Variants in TAFA2 observed in about 807,000 individuals in gnomAD.
TAFA2 encodes TAFA chemokine like family member 2.
In TAFA2, 7 loss-of-function variants were observed where a neutral mutation model predicts 18.8. The ratio of observed to expected loss-of-function variants is 0.37; its 90% confidence interval spans 0.21 to 0.70. TAFA2 has a LOEUF of 0.70. Among genes scored for constraint, TAFA2 ranks in the 30% least tolerant of loss-of-function variants. TAFA2 has a pLI of 0.53. For synonymous variants in TAFA2, 60 were observed against 54.2 expected (o/e 1.11, Z -0.47); for missense variants, 122 against 158.1 (o/e 0.77, Z 1.23).
At chr12:61,826,662 A>T (rs932854060) in intron 2 of TAFA2, among the ~76,000 whole-genome samples, 11 of 152,014 alleles carry the variant, frequency 7.2e-5, no homozygotes, top group Non-Finnish European at 1.6e-4. Context: ...CTCACCTTAA[A>T]TGCAAAGTGT....
At chr12:62,234,619 C>T in intron 1 of TAFA2, 1 of 824,990 alleles carries the variant, frequency 1.2e-6, no homozygotes, top group Non-Finnish European at 2.2e-6. Flanking sequence ...TAGGGCCTCT[C>T]ACCCATGTGC....
At chr12:61,947,205 G>A (rs1878300378) in intron 1 of TAFA2, among the ~76,000 whole-genome samples, 1 of 147,512 alleles carries the variant, frequency 6.8e-6, no homozygotes, top group Non-Finnish European at 1.5e-5. Flanking sequence ...ACTATCGCAA[G>A]GACAAAAAAC....
intron 1 of TAFA2, among the ~76,000 whole-genome samples, chr12:62,171,799 T>C (rs147413289): frequency 1.0e-3 from 159 of 152,302 alleles, no homozygotes; most frequent in African/African-American, 3.6e-3. Flanking sequence ...TAATAAATCA[T>C]CTAGAAAAAG....
chr12:62,064,714 T>C (rs768014532), intron 1 of TAFA2, among the ~76,000 whole-genome samples: 3 of 152,100 alleles, frequency 2.0e-5, no homozygotes, highest in Non-Finnish European at 4.4e-5. Context: ...TATGACTGAA[T>C]TGCATTCCCT....
chr12:61,792,777 A>AG (rs1270332188), intron 2 of TAFA2, among the ~76,000 whole-genome samples: 2 of 151,664 alleles, frequency 1.3e-5, no homozygotes, highest in Admixed American at 6.6e-5. Context: ...GAACTTTAAG[A>AG]GAAAAAAAAT....
chr12:62,187,864 A>G (rs1439895130), intron 1 of TAFA2, among the ~76,000 whole-genome samples: 3 of 152,214 alleles, frequency 2.0e-5, no homozygotes, highest in Non-Finnish European at 2.9e-5. Context: ...ATGGTAACTC[A>G]GTGTGAAATT....
At chr12:61,961,198 C>T (rs1254113593) in intron 1 of TAFA2, among the ~76,000 whole-genome samples, 2 of 151,766 alleles carry the variant, frequency 1.3e-5, no homozygotes, top group Non-Finnish European at 2.9e-5. Context: ...TCTCTGAGAA[C>T]TCACTCACTA....
intron 1 of TAFA2, among the ~76,000 whole-genome samples, chr12:61,983,911 C>A (rs115109228): frequency 4.6e-5 from 7 of 152,248 alleles, no homozygotes; most frequent in Non-Finnish European, 7.4e-5. Flanking sequence ...GAGTCTCCTG[C>A]TAATCAGTCT....
At chr12:61,840,663 T>C (rs1307422465) in intron 2 of TAFA2, among the ~76,000 whole-genome samples, 3 of 152,032 alleles carry the variant, frequency 2.0e-5, no homozygotes, top group Non-Finnish European at 2.9e-5. Flanking sequence ...TCTCTGGATA[T>C]TAAAGACCTC....
At chr12:61,934,618 C>T (rs538888296) in intron 1 of TAFA2, among the ~76,000 whole-genome samples, 11 of 152,298 alleles carry the variant, frequency 7.2e-5, no homozygotes, top group South Asian at 4.1e-4. Context: ...CCTGCTTAAA[C>T]GCAGAAGATA....
chr12:62,100,480 T>G (rs1259626763), intron 1 of TAFA2, among the ~76,000 whole-genome samples: 2 of 152,192 alleles, frequency 1.3e-5, no homozygotes, highest in African/African-American at 4.8e-5. Flanking sequence ...ATTTCTGGTA[T>G]ACTAGCTAAC....
intron 1 of TAFA2, among the ~76,000 whole-genome samples, chr12:62,174,247 T>C (rs2062497577): frequency 6.6e-6 from 1 of 150,928 alleles, no homozygotes; most frequent in Non-Finnish European, 1.5e-5. Context: ...ACCTGGGAAG[T>C]GGAAGTTGTA....
chr12:61,724,785 G>A (rs1349809486), intron 4 of TAFA2, among the ~76,000 whole-genome samples: 37 of 87,018 alleles, frequency 4.3e-4, no homozygotes, highest in African/African-American at 1.2e-3. Flanking sequence ...GTGTGTGTGT[G>A]TGTGTGTGTG....
At chr12:62,247,116 T>A (rs1268076703) in intron 1 of TAFA2, among the ~76,000 whole-genome samples, 2 of 152,204 alleles carry the variant, frequency 1.3e-5, no homozygotes, top group Non-Finnish European at 2.9e-5. Context: ...TTATATTAGA[T>A]TGCTTAATTT....
chr12:62,110,086 C>T (rs1372298918), intron 1 of TAFA2, among the ~76,000 whole-genome samples: 2 of 152,090 alleles, frequency 1.3e-5, no homozygotes, highest in Admixed American at 6.5e-5. Context: ...CCAGCTTTTG[C>T]CCATTCAGTA....
At chr12:61,970,718 G>T (rs967384963) in intron 1 of TAFA2, among the ~76,000 whole-genome samples, 1 of 150,768 alleles carries the variant, frequency 6.6e-6, no homozygotes, top group Non-Finnish European at 1.5e-5. Context: ...AATAATCACC[G>T]AGAAGTAGTT....
intron 1 of TAFA2, among the ~76,000 whole-genome samples, chr12:62,164,589 A>G (rs746911987): frequency 2.0e-5 from 3 of 152,132 alleles, no homozygotes; most frequent in Non-Finnish European, 4.4e-5. Context: ...CCCTCGTGAC[A>G]TGAGTTTACC....
At chr12:61,809,048 C>T (rs1871748584) in intron 2 of TAFA2, among the ~76,000 whole-genome samples, 1 of 151,462 alleles carries the variant, frequency 6.6e-6, no homozygotes, top group African/African-American at 2.5e-5. Context: ...ATAGATGAGT[C>T]ACAGATGACA....
At chr12:62,143,610 A>G (rs2062255969) in intron 1 of TAFA2, among the ~76,000 whole-genome samples, 2 of 152,164 alleles carry the variant, frequency 1.3e-5, no homozygotes, top group Admixed American at 1.3e-4. Flanking sequence ...AGACCAATAC[A>G]GCCCACAACC....
Sources: allele counts gnomAD v4.1 joint callset (sites outside exome capture counted in the v4.1 genomes callset), GRCh38; gene constraint gnomAD v4.1.1; transcripts MANE v1.5; gene names NCBI Gene and HGNC (gene_info 2026-07-23, HGNC 2026-07-21).